PCDHA7: variants seen among roughly 807,000 people sequenced by gnomAD.
PCDHA7 encodes the protein protocadherin alpha 7.
A neutral mutation model predicts 57.2 loss-of-function variants in PCDHA7; 37 were observed. The observed-to-expected ratio is 0.65, with a 90% CI of 0.50 to 0.85. The LOEUF (loss-of-function observed/expected upper bound fraction) is 0.85, where lower values mean the gene tolerates loss of function less well. Among genes scored for constraint, PCDHA7 ranks in the 40% least tolerant of loss-of-function variants. The pLI, the probability that PCDHA7 is intolerant of heterozygous loss-of-function variation, is 0.00. For missense variants in PCDHA7, 1,188 were observed against 1,241.8 expected, an observed-to-expected ratio of 0.96 and a Z score of 0.65; for synonymous variants, 553 against 558.8, an observed-to-expected ratio of 0.99 and a Z score of 0.15.
In PCDHA7 at chr5:140,834,549, C is replaced by G. The variant is rs782435489; in HGVS notation, c.166C>G (p.Leu56Val). 3 of 1,614,074 alleles carry G rather than the reference C, an allele frequency of 1.9e-6. No individual in the cohort carries two copies. Among genetic ancestry groups the G allele is most frequent in the Non-Finnish European group, 2.5e-6 (3 of 1,180,034 alleles). Residue 56 changes from leucine (L) to valine (V), a missense_variant, in exon 1 of 4, where the codon CTG (leucine) becomes GTG (valine). Transcript: ENST00000525929. ...CATCGCGCAGGACCTGGGGCTGGAG[C>G]TGGCGGAGCTGGTGCCGCGCCTGTT... Reference protein sequence around the residue: ...GRIAQDLGLELAELVPRLFRA... With the variant: ...GRIAQDLGLEVAELVPRLFRA...
chr5:140,966,767 A>G, intron 1 of PCDHA7: 1 of 1,484,362 alleles, frequency 6.7e-7, no homozygotes, highest in Non-Finnish European at 8.9e-7. Context: ...GCCAGTGGCT[A>G]TGGAGCAGGC....
At chr5:140,850,644 C>T in intron 1 of PCDHA7, 1 of 1,598,664 alleles carries the variant, frequency 6.3e-7, no homozygotes, top group Non-Finnish European at 8.6e-7. Flanking sequence ...CACGCTGCTG[C>T]TGTACACTGT....
Position 140,882,649 on chromosome 5 carries a change from C to G in PCDHA7, c.2355+45911C>G, listed in dbSNP as rs559940161. The G allele has an allele frequency of 3.7e-6, 6 of 1,614,096 alleles. No homozygotes were observed. In the Admixed American group the frequency reaches 1.0e-4, roughly 27 times the overall value. On this transcript the variant is annotated intron_variant, in intron 1 of 3. Coordinates refer to ENST00000525929, the MANE Select transcript of PCDHA7 (RefSeq NM_018910.3). ...TGGAGGTGAAGGTGAGGGACATTAACGACAACCCGCCCATATTCCCTGAAA... is the reference window on the plus strand; with the variant it reads ...TGGAGGTGAAGGTGAGGGACATTAAGGACAACCCGCCCATATTCCCTGAAA...
chr5:140,897,389 C>G (rs1212817070), intron 1 of PCDHA7, among the ~76,000 whole-genome samples: 1 of 139,546 alleles, frequency 7.2e-6, no homozygotes, highest in Non-Finnish European at 1.5e-5. Context: ...CTTCCTGTGT[C>G]CATGTGTTCT....
rs1247587764 is a variant in PCDHA7 at position 140,883,158 on chromosome 5, C to T, written c.2355+46420C>T. ...GTGGTATATGCATTTACCATAAATC[C>T]GAACAATGGAGAAATTAGGACAAAA... On this transcript the variant is annotated intron_variant, in intron 1 of 3. Coordinates refer to ENST00000525929, the MANE Select transcript of PCDHA7 (RefSeq NM_018910.3). The T allele has an allele frequency of 1.9e-6, 3 of 1,613,592 alleles. No individual in the cohort carries two copies. In the African/African-American group the frequency reaches 4.0e-5, roughly 22 times the overall value.
intron 3 of PCDHA7, among the ~76,000 whole-genome samples, chr5:141,005,814 A>T (rs947359019): frequency 6.7e-6 from 1 of 149,766 alleles, no homozygotes; most frequent in Non-Finnish European, 1.5e-5. Flanking sequence ...GGAGCCAGGT[A>T]TGGTGGCCTG....
At chr5:140,959,281 G>T (rs1395135880) in intron 1 of PCDHA7, among the ~76,000 whole-genome samples, 2 of 152,044 alleles carry the variant, frequency 1.3e-5, no homozygotes, top group Admixed American at 1.3e-4. Context: ...GGAGCCTGAG[G>T]TGGGAGCATC....
At chr5:140,928,309 G>A (rs1554205732) in intron 1 of PCDHA7, 1 of 1,614,122 alleles carries the variant, frequency 6.2e-7, no homozygotes, top group Non-Finnish European at 8.5e-7. Context: ...CCAGGACCCC[G>A]ACCTGGGGAA....
At chr5:140,986,081 A>AT (rs2097186605) in intron 3 of PCDHA7, among the ~76,000 whole-genome samples, 1 of 152,010 alleles carries the variant, frequency 6.6e-6, no homozygotes, top group South Asian at 2.1e-4. Context: ...CTGTTCATTT[A>AT]TTTTCACAGT....
rs184346855 is a variant in PCDHA7 at position 140,854,945 on chromosome 5, A to C, written c.2355+18207A>C. 2.0e-5 allele frequency among the ~76,000 whole-genome samples: 3 copies of C among 150,054 alleles called. 1 individual carries two copies. Among genetic ancestry groups the C allele is most frequent in the African/African-American group, 7.3e-5 (3 of 41,022 alleles). ...TTTGCCTCTGAAAGCAGAAATAATA[A>C]ATTTCTTAATTACTTTATTCAGAAT... On this transcript the variant is annotated intron_variant, in intron 1 of 3. Transcript: ENST00000525929.
intron 1 of PCDHA7, chr5:140,882,711 C>T (rs1554175311): frequency 6.2e-7 from 1 of 1,614,160 alleles, no homozygotes; most frequent in Non-Finnish European, 8.5e-7. Context: ...TCTAGACCTC[C>T]GGAAACTCGA....
chr5:140,939,379 A>C (rs1554212694), intron 1 of PCDHA7, among the ~76,000 whole-genome samples: 1 of 152,170 alleles, frequency 6.6e-6, no homozygotes, highest in Non-Finnish European at 1.5e-5. Flanking sequence ...GAACACAAAC[A>C]TTCAGATCAT....
At chr5:140,845,981 G>A (rs1025810525) in intron 1 of PCDHA7, among the ~76,000 whole-genome samples, 13 of 149,478 alleles carry the variant, frequency 8.7e-5, no homozygotes, top group Non-Finnish European at 1.9e-4. Context: ...TCAATATTTT[G>A]AATGTTGTGT....
rs185275722 is a variant in PCDHA7 at position 140,880,200 on chromosome 5, G to A, written c.2355+43462G>A. Among the ~76,000 whole-genome samples the A allele has an allele frequency of 2.9e-3, 441 of 152,242 alleles. 2 individuals are homozygous for A. The highest frequency in any genetic ancestry group is 9.7e-3 in the African/African-American group (402 of 41,548). ...TGAAGGGAAAAAGATAAACAGAAGA[G>A]GTTTTCCACCAGAAGTAGAACATTT... is the stretch of plus-strand genomic sequence containing the variant. On this transcript the variant is annotated intron_variant, in intron 1 of 3. Coordinates refer to ENST00000525929, the MANE Select transcript of PCDHA7 (RefSeq NM_018910.3).
chr5:140,925,203 A>G (rs1201965893), intron 1 of PCDHA7, among the ~76,000 whole-genome samples: 4 of 152,310 alleles, frequency 2.6e-5, no homozygotes, highest in South Asian at 4.1e-4. Flanking sequence ...TTCAATAATT[A>G]TCGATACTTT....
chr5:140,946,384 G>A (rs2093939169), intron 1 of PCDHA7, among the ~76,000 whole-genome samples: 1 of 151,758 alleles, frequency 6.6e-6, no homozygotes, highest in Non-Finnish European at 1.5e-5. Context: ...CGGTTGGTAG[G>A]AATGTAAATT....
chr5:141,001,395 A>G (rs1331071816), intron 3 of PCDHA7, among the ~76,000 whole-genome samples: 1 of 152,202 alleles, frequency 6.6e-6, no homozygotes. Flanking sequence ...TCCTACAGAG[A>G]ACAGGGAGTA....
At chr5:140,839,813 C>A (rs1776427171) in intron 1 of PCDHA7, among the ~76,000 whole-genome samples, 1 of 151,938 alleles carries the variant, frequency 6.6e-6, no homozygotes, top group Non-Finnish European at 1.5e-5. Context: ...TAATTGCCTA[C>A]TATGAAGGCA....
intron 2 of PCDHA7, among the ~76,000 whole-genome samples, chr5:140,981,687 ATCATTCAT>A (rs200213847): frequency 3.3e-5 from 5 of 151,972 alleles, no homozygotes; most frequent in South Asian, 2.1e-4. Flanking sequence ...CCTCCCTTCC[ATCATTCAT>A]TCATTCATTC....
Sources: allele counts gnomAD v4.1 joint callset (sites outside exome capture counted in the v4.1 genomes callset), GRCh38; gene constraint gnomAD v4.1.1; transcripts MANE v1.5; gene names NCBI Gene and HGNC (gene_info 2026-07-23, HGNC 2026-07-21).